Variants in RAPGEF1 observed in about 807,000 individuals in gnomAD.
RAPGEF1 encodes CRK SH3-binding GNRP.
RAPGEF1 carries 33 observed loss-of-function variants against 143.3 expected under a neutral mutation model. The ratio of observed to expected loss-of-function variants is 0.23; its 90% confidence interval spans 0.17 to 0.31. The LOEUF (loss-of-function observed/expected upper bound fraction) is 0.31. Among genes scored for constraint, RAPGEF1 ranks in the 10% least tolerant of loss-of-function variants. The pLI, the probability that RAPGEF1 is intolerant of heterozygous loss-of-function variation, is 1.00. For missense variants in RAPGEF1, 1,199 were observed against 1,645.4 expected, an observed-to-expected ratio of 0.73 and a Z score of 4.69; for synonymous variants, 629 against 676.5, an observed-to-expected ratio of 0.93 and a Z score of 1.09.
intron 5 of RAPGEF1, among the ~76,000 whole-genome samples, chr9:131,631,751 C>G (rs905448701): frequency 6.6e-6 from 1 of 152,182 alleles, no homozygotes; most frequent in Non-Finnish European, 1.5e-5. Context: ...TCCTTTCCAG[C>G]GCAAGGGTTC....
In RAPGEF1 at chr9:131,675,168, AT is replaced by A. The variant is rs1029893522; in HGVS notation, c.62-24220del. Among the ~76,000 whole-genome samples, 19 of 152,020 alleles carry A rather than the reference AT, an allele frequency of 1.2e-4. No homozygotes were observed. Among genetic ancestry groups the A allele is most frequent in the African/African-American group, 4.6e-4 (19 of 41,404 alleles). On this transcript the variant is annotated intron_variant, in intron 1 of 26. Transcript: ENST00000683357. The surrounding 1 kb of genome is among the most constrained non-coding windows in gnomAD (Gnocchi z 4.6). ...GGTGAGATTTGCTGCACTTGGCTAG[AT>A]TTGCTGCACTTGGCTGGATTTGCGC...
At chr9:131,643,135 T>C in intron 4 of RAPGEF1, 104 bp downstream of exon 4, 1 of 1,329,746 alleles carries the variant, frequency 7.5e-7, no homozygotes, top group Admixed American at 2.8e-5. Flanking sequence ...TGGAGTCCTT[T>C]TCCTGACTGT....
At chr9:131,592,573 C>G (rs1448752660) in intron 17 of RAPGEF1, among the ~76,000 whole-genome samples, 1 of 152,138 alleles carries the variant, frequency 6.6e-6, no homozygotes, top group East Asian at 1.9e-4. Context: ...AACCCGGTGG[C>G]ATGCCTGTTC....
chr9:131,637,051 C>T (rs1044403664), intron 5 of RAPGEF1, among the ~76,000 whole-genome samples: 2 of 152,016 alleles, frequency 1.3e-5, no homozygotes, highest in Non-Finnish European at 2.9e-5. Flanking sequence ...CATGGTGAAA[C>T]CCCATCTCTA....
At chr9:131,673,718 G>C (rs1831786357) in intron 1 of RAPGEF1, among the ~76,000 whole-genome samples, 1 of 152,146 alleles carries the variant, frequency 6.6e-6, no homozygotes, top group Non-Finnish European at 1.5e-5. Flanking sequence ...CCAACAGAGA[G>C]GAAAGGAGGG....
At chr9:131,736,760 A>G (rs977382537) in intron 1 of RAPGEF1, among the ~76,000 whole-genome samples, 1 of 152,192 alleles carries the variant, frequency 6.6e-6, no homozygotes, top group African/African-American at 2.4e-5. Context: ...TGGTTCTTCT[A>G]CTTTCAGGGA....
rs564526308 is a variant in RAPGEF1, at chr9:131,612,632, C to T, written c.2061+6419G>A. ...TTCTCTATAGGTGGCTCTACGTTATCCCGAGGGTCGCAGTGACCTGGAAGG... is the reference window on the plus strand; with the variant it reads ...TTCTCTATAGGTGGCTCTACGTTATTCCGAGGGTCGCAGTGACCTGGAAGG... On this transcript the variant is annotated intron_variant, in intron 12 of 26. Transcript: ENST00000683357. Among the ~76,000 whole-genome samples, 5 of 152,286 alleles carry T rather than the reference C, an allele frequency of 3.3e-5. No homozygotes were observed. In the South Asian group the frequency reaches 1.0e-3, roughly 32 times the overall value.
intron 16 of RAPGEF1, 105 bp from the exon 17 acceptor site, chr9:131,596,478 CCAA>C: frequency 8.9e-7 from 1 of 1,126,074 alleles, no homozygotes; most frequent in Admixed American, 2.0e-5. Context: ...CCCTGCAACC[CCAA>C]GTCCCCTCTC....
chr9:131,728,271 G>A (rs1836802631), intron 1 of RAPGEF1, among the ~76,000 whole-genome samples: 1 of 152,188 alleles, frequency 6.6e-6, no homozygotes, highest in Admixed American at 6.5e-5. Context: ...CGAGGACCTT[G>A]AATGTCTTGT....
rs1379004022 is a variant in RAPGEF1, at chr9:131,584,386, G to A, written c.3339C>T (p.Asn1113=). 1 of 1,613,942 alleles carries A rather than the reference G, an allele frequency of 6.2e-7. No individual in the cohort carries two copies. Among genetic ancestry groups the A allele is most frequent in the Admixed American group, 1.7e-5 (1 of 60,016 alleles). ...MKHLRKLNNF[N]SYLAILSALD... ...GGGCAGAGAGGATGGCCAAGTAGGA[G>A]TTGAAGTTATTCAGCTTCCGCAAGT... The change falls in exon 24 of 27, where the codon AAC becomes AAT. Residue 1113 remains asparagine (N), a synonymous_variant. Transcript: ENST00000683357. The surrounding 1 kb of genome is among the most constrained non-coding windows in gnomAD (Gnocchi z 6.8).
chr9:131,604,823 G>A, intron 13 of RAPGEF1, 108 bp downstream of exon 13: 2 of 1,202,278 alleles, frequency 1.7e-6, no homozygotes, highest in Non-Finnish European at 2.1e-6. Context: ...TAGTAAAGGG[G>A]AGGCAGTGTC....
chr9:131,588,114 A>G, intron 20 of RAPGEF1, 88 bp from the exon 21 acceptor site: 1 of 1,136,444 alleles, frequency 8.8e-7, no homozygotes, highest in African/African-American at 1.5e-5. Context: ...GCGTCAGAGC[A>G]GGAGAGCCTC....
At chr9:131,647,071 C>T (rs1588729392) in intron 3 of RAPGEF1, among the ~76,000 whole-genome samples, 1 of 152,192 alleles carries the variant, frequency 6.6e-6, no homozygotes, top group Admixed American at 6.5e-5. Flanking sequence ...GTAATTATAC[C>T]TTTGGACACC....
At chr9:131,739,177 G>C (rs1837594829) in intron 1 of RAPGEF1, among the ~76,000 whole-genome samples, 1 of 152,172 alleles carries the variant, frequency 6.6e-6, no homozygotes, top group South Asian at 2.1e-4. Context: ...TCTGCATCAA[G>C]ATTTACCATC....
intron 1 of RAPGEF1, among the ~76,000 whole-genome samples, chr9:131,688,782 C>T (rs965813322): frequency 4.6e-5 from 7 of 152,168 alleles, no homozygotes; most frequent in African/African-American, 1.7e-4. Flanking sequence ...GGTGTAATCC[C>T]AGCTACTCGG....
chr9:131,579,304 T>C lies in RAPGEF1; in HGVS notation c.*193A>G. 6 of 722,480 alleles carry C rather than the reference T, an allele frequency of 8.3e-6. No homozygotes were observed. In the South Asian group the frequency reaches 1.1e-4, roughly 13 times the overall value. The allele number at this position is 722,480 out of a possible 1,614,324, so 44.8% of individuals were successfully genotyped here. The stretch of plus-strand genomic sequence containing the variant: ...CTGGCTGCCCTGAGGCCCACGGGTC[T>C]GCTCCCACAGAGGAAGGAGGCAGGA... On this transcript the variant is annotated 3_prime_UTR_variant, in exon 27 of 27. Coordinates refer to ENST00000683357, the MANE Select transcript of RAPGEF1 (RefSeq NM_001377935.1).
chr9:131,584,868 C>T lies in RAPGEF1; in HGVS notation c.3234-272G>A, dbSNP rs1417827314. ...AGGCCCAAAGGGGGCTTCGAATCTG[C>T]AGGTGGAGCATGGGAGGATGAAAGC... On this transcript the variant is annotated intron_variant, in intron 22 of 26. Coordinates refer to ENST00000683357, the MANE Select transcript of RAPGEF1 (RefSeq NM_001377935.1). This position sits in a 1 kb window ranked among gnomAD's most constrained non-coding sequence, Gnocchi z 6.8. Among the ~76,000 whole-genome samples, 1 of 152,200 alleles carries T rather than the reference C, an allele frequency of 6.6e-6. No individual in the cohort carries two copies. The highest frequency in any genetic ancestry group is 1.9e-4 in the East Asian group (1 of 5,202).
intron 12 of RAPGEF1, among the ~76,000 whole-genome samples, chr9:131,608,601 GCTCTGC>G (rs925198392): frequency 2.6e-5 from 4 of 152,318 alleles, no homozygotes; most frequent in African/African-American, 9.6e-5. Flanking sequence ...GGCCTGGCCT[GCTCTGC>G]CTCTGCCTCT....
At chr9:131,687,314 C>T (rs530896805) in intron 1 of RAPGEF1, among the ~76,000 whole-genome samples, 75 of 152,326 alleles carry the variant, frequency 4.9e-4, no homozygotes, top group Non-Finnish European at 8.5e-4. Flanking sequence ...CCTCAGCCTC[C>T]CAAGTAGCTG....
Sources: gnomAD v4.1 joint callset for allele counts (sites outside exome capture counted in the v4.1 genomes callset) on GRCh38, gnomAD v4.1.1 for gene constraint, Gnocchi (gnomAD v3.1) non-coding constraint, MANE v1.5 for transcripts, NCBI Gene and HGNC (gene_info 2026-07-23, HGNC 2026-07-21) for gene names.